INPP5K: variants seen among roughly 807,000 people sequenced by gnomAD.
INPP5K encodes inositol polyphosphate 5-phosphatase K.
In INPP5K, 35 loss-of-function variants were observed where a neutral mutation model predicts 53.5. The observed-to-expected ratio is 0.65, with a 90% CI of 0.50 to 0.87. The LOEUF is 0.87. INPP5K is among the 40% of genes least tolerant of loss of function. The pLI, the probability that INPP5K is intolerant of heterozygous loss-of-function variation, is 0.00. For missense variants in INPP5K, 550 were observed against 586.2 expected (o/e 0.94, Z 0.64); for synonymous variants, 253 against 232.8 (o/e 1.09, Z -0.79).
rs750619885 is a variant in INPP5K at position 1,498,100 on chromosome 17, A to G, written c.799T>C (p.Trp267Arg). Residue 267 changes from tryptophan to arginine, a missense_variant, in exon 8 of 12, where the codon TGG (tryptophan) becomes CGG (arginine). Transcript: ENST00000421807. ...DTSEKKRKPAWTDRILWRLKR... is the reference protein window; with the variant it reads ...DTSEKKRKPARTDRILWRLKR... ...AGCCTCCACAGGATGCGATCGGTCC[A>G]TGCAGGCTTGCGTTTTTTCTCACTG... 1.2e-6 allele frequency: 2 copies of G among 1,607,156 alleles called. No individual in the cohort carries two copies. Among genetic ancestry groups the G allele is most frequent in the Non-Finnish European group, 1.7e-6 (2 of 1,175,038 alleles).
intron 1 of INPP5K, chr17:1,516,154 G>A (rs2075430167): frequency 8.0e-7 from 1 of 1,257,840 alleles, no homozygotes; most frequent in Non-Finnish European, 1.0e-6. Context: ...CTAACCGAGA[G>A]CCGAAGGGTG....
intron 5 of INPP5K, 21 bp from the exon 6 acceptor site, chr17:1,508,247 A>G (rs756896203): frequency 1.2e-5 from 19 of 1,574,412 alleles, no homozygotes; most frequent in Non-Finnish European, 1.6e-5. Context: ...AAAGGAGGGC[A>G]GCCTGAGGAT....
At chr17:1,497,543 A>C (rs1204509442) in intron 8 of INPP5K, among the ~76,000 whole-genome samples, 1 of 152,158 alleles carries the variant, frequency 6.6e-6, no homozygotes, top group East Asian at 1.9e-4. Flanking sequence ...AAGGAGGCCA[A>C]CACCACCTTG....
chr17:1,509,037 C>T (rs1305288462), intron 5 of INPP5K, 141 bp downstream of exon 5: 3 of 725,816 alleles, frequency 4.1e-6, no homozygotes, highest in African/African-American at 4.9e-5. Context: ...GGGGAACAGT[C>T]TGCAGACCCA....
intron 1 of INPP5K, among the ~76,000 whole-genome samples, chr17:1,515,095 C>T (rs189856346): frequency 1.3e-5 from 2 of 151,898 alleles, no homozygotes; most frequent in African/African-American, 4.8e-5. Context: ...TTAGTAGAGA[C>T]GGGGTTTCAC....
At chr17:1,495,927 G>A (rs367907578) in intron 11 of INPP5K, 48 bp from the exon 12 acceptor site, 22 of 1,524,498 alleles carry the variant, frequency 1.4e-5, no homozygotes, top group Admixed American at 3.4e-5. Context: ...GTCTTCCTCC[G>A]TGCTTTCCAT....
At chr17:1,507,248 A>G (rs1366759168) in intron 6 of INPP5K, 159 bp from the exon 7 acceptor site, 1 of 581,196 alleles carries the variant, frequency 1.7e-6, no homozygotes, top group Admixed American at 3.1e-5. Context: ...TCAGCAGCCC[A>G]CTCCCACCAG....
At chr17:1,497,474 A>G (rs571057183) in intron 8 of INPP5K, among the ~76,000 whole-genome samples, 38 of 152,268 alleles carry the variant, frequency 2.5e-4, no homozygotes, top group African/African-American at 8.4e-4. Context: ...ACCCTAACAC[A>G]CACACACACA....
chr17:1,513,520 T>A lies in INPP5K; in HGVS notation c.194A>T (p.Asp65Val), dbSNP rs1489809157. ...LNSGIISLLS[D>V]AAFNDSWSSF... ...GCTCCACGAGTCATTAAAGGCAGCA[T>A]CGGAAAGGAGGCTTATGATCCCAGA... The change falls in exon 3 of 12, where the codon GAT becomes GTT. Residue 65 changes from aspartate to valine, a missense_variant. Physicochemically the swap from Asp to Val is radical, Grantham distance 152. Coordinates refer to ENST00000421807, the MANE Select transcript of INPP5K (RefSeq NM_016532.4). 6.2e-7 allele frequency: 1 copy of A among 1,614,168 alleles called. No homozygotes were observed. The highest frequency in any genetic ancestry group is 1.3e-5 in the African/African-American group (1 of 75,038).
At chr17:1,508,901 G>A (rs1258690689) in intron 5 of INPP5K, 8 of 348,788 alleles carry the variant, frequency 2.3e-5, no homozygotes, top group Middle Eastern at 9.1e-4. Context: ...GGCGGTCAGC[G>A]TGGGGCAGAG....
chr17:1,502,114 C>T (rs1299356440), intron 7 of INPP5K, among the ~76,000 whole-genome samples: 12 of 151,768 alleles, frequency 7.9e-5, no homozygotes, highest in Admixed American at 6.6e-4. Context: ...CTTTGGGAGG[C>T]CAAGGCGGGC....
At chr17:1,507,123 A>G in intron 6 of INPP5K, 34 bp from the exon 7 acceptor site, 1 of 1,556,864 alleles carries the variant, frequency 6.4e-7, no homozygotes. Context: ...GTCTCCCAGT[A>G]GTCTCGACCC....
chr17:1,512,839 CCAG>C (rs1422472422), intron 3 of INPP5K, among the ~76,000 whole-genome samples: 2 of 152,210 alleles, frequency 1.3e-5, no homozygotes, highest in Non-Finnish European at 2.9e-5. Flanking sequence ...CCCTATGACA[CCAG>C]CAGGCTAGCC....
chr17:1,514,009 G>C (rs2075371935), intron 1 of INPP5K, 30 bp from the exon 2 acceptor site: 2 of 1,507,536 alleles, frequency 1.3e-6, no homozygotes, highest in African/African-American at 2.7e-5. Context: ...GGAAGTCATG[G>C]AGGAAGGAGG....
chr17:1,503,882 A>G (rs1192219778), intron 7 of INPP5K, among the ~76,000 whole-genome samples: 1 of 152,146 alleles, frequency 6.6e-6, no homozygotes, highest in Non-Finnish European at 1.5e-5. Context: ...GGGACACCGT[A>G]GTGGCTGGCC....
chr17:1,507,705 G>GA (rs2075194499), intron 6 of INPP5K: 1 of 159,910 alleles, frequency 6.3e-6, no homozygotes, highest in East Asian at 1.9e-4. Flanking sequence ...CACGCCCGGC[G>GA]AATTTTTTTT....
At position 1,513,442 on chromosome 17, in the gene INPP5K, T is replaced by C; in HGVS notation, c.261+11A>G. 1.9e-6 allele frequency: 3 copies of C among 1,608,956 alleles called. No individual in the cohort carries two copies. The highest frequency in any genetic ancestry group is 1.3e-5 in the African/African-American group (1 of 74,888). On this transcript the variant is annotated intron_variant, in intron 3 of 11. Coordinates refer to ENST00000421807, the MANE Select transcript of INPP5K (RefSeq NM_016532.4). ...ACACAGTTGTCAAGTGCCAATGAACTGGCAAGTTACCTTGATGAAGCTCAG... is the reference window on the plus strand; with the variant it reads ...ACACAGTTGTCAAGTGCCAATGAACCGGCAAGTTACCTTGATGAAGCTCAG...
chr17:1,498,156 G>C, intron 7 of INPP5K, 34 bp from the exon 8 acceptor site: 8 of 1,550,718 alleles, frequency 5.2e-6, no homozygotes, highest in Non-Finnish European at 7.0e-6. Flanking sequence ...AGGAAGAATG[G>C]GGAAAGAAGA....
chr17:1,509,933 A>T, intron 3 of INPP5K, 134 bp from the exon 4 acceptor site: 1 of 598,652 alleles, frequency 1.7e-6, no homozygotes, highest in Non-Finnish European at 2.9e-6. Context: ...ACGATATCCC[A>T]GTTTGAATCT....
Sources: gnomAD v4.1 joint callset for allele counts (sites outside exome capture counted in the v4.1 genomes callset) on GRCh38, gnomAD v4.1.1 for gene constraint, MANE v1.5 for transcripts, NCBI Gene and HGNC (gene_info 2026-07-23, HGNC 2026-07-21) for gene names.